The following TENM2 variants were observed in gnomAD, a reference collection of about 807,000 sequenced individuals.
The protein encoded by TENM2 is teneurin-2.
In TENM2, 52 loss-of-function variants were observed where a neutral mutation model predicts 245.2. The observed-to-expected ratio is 0.21, with a 90% CI of 0.17 to 0.27. The LOEUF (loss-of-function observed/expected upper bound fraction) is 0.27, where lower values mean the gene tolerates loss of function less well. TENM2 is among the 10% of genes least tolerant of loss of function. TENM2 has a pLI of 1.00. For missense variants in TENM2, 3,046 were observed against 3,666.8 expected (o/e 0.83, Z 4.37); for synonymous variants, 1,363 against 1,438.9 (o/e 0.95, Z 1.19).
intron 6 of TENM2, among the ~76,000 whole-genome samples, chr5:168,053,363 A>G (rs1789271362): frequency 6.6e-6 from 1 of 152,152 alleles, no homozygotes; most frequent in Admixed American, 6.5e-5. Flanking sequence ...ATTAATAATG[A>G]GATCCAATTT....
At chr5:168,219,799 G>A (rs1426773850) in intron 23 of TENM2, among the ~76,000 whole-genome samples, 4 of 113,014 alleles carry the variant, frequency 3.5e-5, no homozygotes, top group Non-Finnish European at 4.9e-5. Context: ...TCAGAATGTA[G>A]TTAAGTTAGG....
chr5:167,291,424 A>T (rs1173147586), intron 1 of TENM2, among the ~76,000 whole-genome samples: 1 of 152,162 alleles, frequency 6.6e-6, no homozygotes, highest in Non-Finnish European at 1.5e-5. Flanking sequence ...TCTCATTCTC[A>T]TATATTGGCT....
intron 3 of TENM2, among the ~76,000 whole-genome samples, chr5:167,890,121 G>A (rs1774625886): frequency 6.6e-6 from 1 of 152,016 alleles, no homozygotes; most frequent in African/African-American, 2.4e-5. Flanking sequence ...CTCCTCTTGG[G>A]CCCTCTGTTT....
chr5:167,952,249 T>C, intron 3 of TENM2: 1 of 395,084 alleles, frequency 2.5e-6, no homozygotes, highest in Non-Finnish European at 4.6e-6. Flanking sequence ...AATAGGGACT[T>C]GCTACGCCAG....
chr5:167,140,995 C>A, the TENM2 span, among the ~76,000 whole-genome samples: 1 of 152,084 alleles, frequency 6.6e-6, no homozygotes, highest in Admixed American at 6.5e-5. Flanking sequence ...AGCCAATAAA[C>A]CTTGCGTATT....
intron 2 of TENM2, among the ~76,000 whole-genome samples, chr5:167,543,186 T>C (rs1772328138): frequency 6.6e-6 from 1 of 152,122 alleles, no homozygotes; most frequent in Admixed American, 6.6e-5. Context: ...GAGGGGGTGG[T>C]ACTCTTATCA....
chr5:168,124,620 G>A (rs536734717), intron 10 of TENM2, among the ~76,000 whole-genome samples: 2 of 152,238 alleles, frequency 1.3e-5, no homozygotes, highest in African/African-American at 4.8e-5. Context: ...CGTTTCTCTT[G>A]TATCTTCTTC....
At chr5:167,061,861 G>A in the TENM2 span, among the ~76,000 whole-genome samples, 1 of 151,032 alleles carries the variant, frequency 6.6e-6, no homozygotes, top group Non-Finnish European at 1.5e-5. Context: ...GGTAGAAGCA[G>A]AGTGTATCAT....
At chr5:167,304,113 A>G (rs1018144464) in intron 1 of TENM2, among the ~76,000 whole-genome samples, 1 of 152,232 alleles carries the variant, frequency 6.6e-6, no homozygotes, top group Non-Finnish European at 1.5e-5. Flanking sequence ...TACGCAACCC[A>G]TGAAGTGCAG....
At chr5:168,160,367 G>A (rs1757638373) in intron 12 of TENM2, among the ~76,000 whole-genome samples, 1 of 152,230 alleles carries the variant, frequency 6.6e-6, no homozygotes, top group Admixed American at 6.5e-5. Flanking sequence ...GGAAAAGCAT[G>A]GAAATGTGAA....
chr5:167,946,394 T>C (rs1184368608), intron 3 of TENM2, among the ~76,000 whole-genome samples: 3 of 152,074 alleles, frequency 2.0e-5, no homozygotes, highest in Admixed American at 1.3e-4. Flanking sequence ...TGAAGGAAGT[T>C]TGGGGAGGGC....
chr5:167,283,977 T>G (rs1771194769), upstream of TENM2, among the ~76,000 whole-genome samples: 1 of 151,890 alleles, frequency 6.6e-6, no homozygotes, highest in Non-Finnish European at 1.5e-5. Flanking sequence ...TTTTTTTCGG[T>G]TCTATAGTGG....
At chr5:167,988,495 C>G (rs1468834361) in intron 4 of TENM2, among the ~76,000 whole-genome samples, 1 of 151,902 alleles carries the variant, frequency 6.6e-6, no homozygotes, top group African/African-American at 2.4e-5. Flanking sequence ...TTGAAGGGGC[C>G]CAGGAAGATC....
intron 4 of TENM2, among the ~76,000 whole-genome samples, chr5:167,955,252 A>G (rs540945327): frequency 1.3e-5 from 2 of 152,264 alleles, no homozygotes; most frequent in Non-Finnish European, 2.9e-5. Flanking sequence ...GTTGTTGCCC[A>G]CATGAATGTC....
At chr5:167,361,323 G>T (rs535869889) in intron 1 of TENM2, among the ~76,000 whole-genome samples, 4 of 151,808 alleles carry the variant, frequency 2.6e-5, no homozygotes, top group South Asian at 2.1e-4. Flanking sequence ...TTTCCTAATT[G>T]CATTCTTCTC....
At chr5:167,828,785 T>A (rs1180981525) in intron 2 of TENM2, among the ~76,000 whole-genome samples, 1 of 152,212 alleles carries the variant, frequency 6.6e-6, no homozygotes, top group Non-Finnish European at 1.5e-5. Context: ...AAAATAACCA[T>A]TTCTATAAGA....
the TENM2 span, among the ~76,000 whole-genome samples, chr5:167,111,947 C>A: frequency 6.6e-6 from 1 of 152,156 alleles, no homozygotes; most frequent in Non-Finnish European, 1.5e-5. Flanking sequence ...GTTCACTTGG[C>A]CATATGTTTG....
At chr5:167,523,787 A>G (rs999630849) in intron 2 of TENM2, among the ~76,000 whole-genome samples, 1 of 152,160 alleles carries the variant, frequency 6.6e-6, no homozygotes, top group Non-Finnish European at 1.5e-5. Context: ...TTCAGAAAAT[A>G]TCTCCCCAAA....
chr5:167,009,084 C>T, the TENM2 span, among the ~76,000 whole-genome samples: 1 of 152,168 alleles, frequency 6.6e-6, no homozygotes, highest in South Asian at 2.1e-4. Context: ...TCCATTGTGC[C>T]TTCCAGCTCA....
Sources: allele counts gnomAD v4.1 joint callset (sites outside exome capture counted in the v4.1 genomes callset), GRCh38; gene constraint gnomAD v4.1.1; transcripts MANE v1.5; gene names NCBI Gene and HGNC (gene_info 2026-07-23, HGNC 2026-07-21).